COX6C: variants seen among roughly 807,000 people sequenced by gnomAD.
COX6C encodes cytochrome c oxidase polypeptide VIc.
COX6C carries 3 observed loss-of-function variants against 6.9 expected under a neutral mutation model. The observed-to-expected ratio is 0.43, with a 90% CI of 0.20 to 1.12. COX6C has a LOEUF of 1.12. COX6C is among the 50% of genes most tolerant of loss of function. The probability of loss-of-function intolerance (pLI) is 0.27; values close to 1 mark genes in which losing one functional copy is unlikely to be tolerated. For synonymous variants in COX6C, 32 were observed against 32.0 expected (o/e 1.00, Z 0.00); for missense variants, 101 against 97.3 (o/e 1.04, Z -0.16).
intron 2 of COX6C, among the ~76,000 whole-genome samples, chr8:99,888,506 G>A (rs533524973): frequency 2.6e-5 from 4 of 152,272 alleles, no homozygotes; most frequent in Admixed American, 1.3e-4. Flanking sequence ...GGGAGGCCTC[G>A]GAGGGTGCAG....
At position 99,878,248 on chromosome 8, in the gene COX6C, A is replaced by G. The variant is rs570108821; in HGVS notation, c.*33T>C. On this transcript the variant is annotated 3_prime_UTR_variant, in exon 4 of 4. Transcript: ENST00000520468. ...CAAGTCAGTGACAAACTTCTAGGTA[A>G]TTCAACCTGAAGAAATTCTGTGAAG... The G allele has an allele frequency of 1.8e-4, 27 of 152,352 alleles. No homozygotes were observed. Among genetic ancestry groups the G allele is most frequent in the African/African-American group, 5.5e-4 (23 of 41,578 alleles). 9.4% of individuals were successfully genotyped at this position (152,352 alleles called of 1,614,324 possible). A position where few individuals can be genotyped will look rare whatever the true frequency, so the allele number is the denominator to read the frequency against.
chr8:99,880,303 G>A (rs1240246669), intron 3 of COX6C, among the ~76,000 whole-genome samples: 1 of 152,194 alleles, frequency 6.6e-6, no homozygotes, highest in Non-Finnish European at 1.5e-5. Flanking sequence ...AGAGGCTGCT[G>A]ACTTACTCTA....
rs779728073 is a variant in COX6C, at chr8:99,887,483, A to G, written c.*15+7T>C. 3 of 1,513,306 alleles carry G rather than the reference A, an allele frequency of 2.0e-6. No individual in the cohort carries two copies. Among genetic ancestry groups the G allele is most frequent in the African/African-American group, 2.9e-5 (2 of 69,794 alleles). The allele number at this position is 1,513,306 out of a possible 1,614,324, so 93.7% of individuals were successfully genotyped here. The stretch of plus-strand genomic sequence containing the variant: ...TTTTTTTAAGTAACTTCAAATAACC[A>G]TATTACCTTTATATTCCAAGATTAC... On this transcript the variant is annotated splice_region_variant and intron_variant, in intron 3 of 3. Transcript: ENST00000520468.
At chr8:99,891,833 G>A (rs78095945) in intron 2 of COX6C, 75 bp downstream of exon 2, 44,128 of 1,238,670 alleles carry the variant, frequency 0.036, 988 homozygotes, top group Non-Finnish European at 0.043. Flanking sequence ...TTACAAGGGG[G>A]AGTTTCTTTA....
intron 3 of COX6C, among the ~76,000 whole-genome samples, chr8:99,884,428 A>T (rs28488332): frequency 0.018 from 2,725 of 152,332 alleles, 49 homozygotes; most frequent in African/African-American, 0.045. Flanking sequence ...GGAATATGAA[A>T]GACTTAAACA....
At chr8:99,893,245 C>T (rs1282287948) in intron 1 of COX6C, 1 of 152,330 alleles carries the variant, frequency 6.6e-6, no homozygotes, top group Non-Finnish European at 1.5e-5. Flanking sequence ...CGCCTCACGA[C>T]CAGCTGCATT....
At chr8:99,889,145 T>C (rs1250359497) in intron 2 of COX6C, among the ~76,000 whole-genome samples, 1 of 152,192 alleles carries the variant, frequency 6.6e-6, no homozygotes, top group Non-Finnish European at 1.5e-5. Context: ...TACAAACATT[T>C]ACTTCATGCC....
intron 3 of COX6C, among the ~76,000 whole-genome samples, chr8:99,880,799 G>A (rs995713181): frequency 1.4e-4 from 21 of 151,430 alleles, no homozygotes; most frequent in East Asian, 9.7e-4. Context: ...AGGTATTACC[G>A]AGTCCCAGAA....
chr8:99,888,663 A>C (rs540705698), intron 2 of COX6C, among the ~76,000 whole-genome samples: 134 of 152,024 alleles, frequency 8.8e-4, no homozygotes, highest in Non-Finnish European at 1.6e-3. Flanking sequence ...TACCTCACTT[A>C]GTCATCCATC....
At chr8:99,891,649 C>T (rs1818034673) in intron 2 of COX6C, among the ~76,000 whole-genome samples, 2 of 152,208 alleles carry the variant, frequency 1.3e-5, no homozygotes, top group South Asian at 4.1e-4. Context: ...CAGAAGATAT[C>T]AACCCTGCCA....
At chr8:99,893,224 A>C (rs968564248) in intron 1 of COX6C, 2 of 152,312 alleles carry the variant, frequency 1.3e-5, no homozygotes, top group African/African-American at 4.8e-5. Context: ...CTTCGCCTAC[A>C]CTAACCCTTG....
At position 99,886,507 on chromosome 8, in the gene COX6C, T is replaced by G. The variant is rs528627023; in HGVS notation, c.*15+983A>C. 3 of 152,312 alleles carry G rather than the reference T, an allele frequency of 2.0e-5. No homozygotes were observed. In the East Asian group the frequency reaches 5.8e-4, roughly 29 times the overall value. The allele number at this position is 152,312 out of a possible 1,614,324, so 9.4% of individuals were successfully genotyped here. A position where few individuals can be genotyped will look rare whatever the true frequency, so the allele number is the denominator to read the frequency against. On this transcript the variant is annotated intron_variant, in intron 3 of 3. Transcript: ENST00000520468. ...AAATCATATGATCCAGGAATTCCACTTTTGAATATACCCCAAAAGAATTGA... is the reference window on the plus strand; with the variant it reads ...AAATCATATGATCCAGGAATTCCACGTTTGAATATACCCCAAAAGAATTGA...
intron 2 of COX6C, among the ~76,000 whole-genome samples, chr8:99,891,195 T>C (rs955074781): frequency 6.6e-6 from 1 of 152,264 alleles, no homozygotes; most frequent in Admixed American, 6.5e-5. Context: ...AAGGGCTTTA[T>C]AACTAAGTTA....
rs528881148 is a variant in COX6C, at chr8:99,883,471, A to ATATATT, written c.*15+4018_*15+4019insAATATA. On this transcript the variant is annotated intron_variant, in intron 3 of 3. Transcript: ENST00000520468. ...TGTGTGTGTATATATATATATATAT[A>ATATATT]TTTTTTTTTTGGTAGAGATGGGGTC... 7.3e-3 allele frequency among the ~76,000 whole-genome samples: 1,010 copies of ATATATT among 137,664 alleles called. 3 individuals carry two copies. The highest frequency in any genetic ancestry group is 0.01 in the Non-Finnish European group (670 of 65,590). 90.3% of individuals were successfully genotyped at this position (137,664 alleles called of 152,430 possible). A position where few individuals can be genotyped will look rare whatever the true frequency, so the allele number is the denominator to read the frequency against.
intron 3 of COX6C, among the ~76,000 whole-genome samples, chr8:99,881,512 G>A (rs557800923): frequency 1.3e-5 from 2 of 152,298 alleles, no homozygotes; most frequent in South Asian, 4.1e-4. Flanking sequence ...CACAGGAAAA[G>A]AGGGTGGTGC....
rs958994818 is a variant in COX6C, at chr8:99,878,004, A to C, written c.*277T>G. On this transcript the variant is annotated 3_prime_UTR_variant, in exon 4 of 4. Coordinates refer to ENST00000520468, the MANE Select transcript of COX6C (RefSeq NM_004374.4). ...TGCAATGAAACGGACAAACTATCAC[A>C]GTTAAAGATGTGCTAGAACAATGAA... 1 of 152,248 alleles carries C rather than the reference A, an allele frequency of 6.6e-6. No individual in the cohort carries two copies. 9.4% of individuals were successfully genotyped at this position (152,248 alleles called of 1,614,324 possible).
intron 3 of COX6C, among the ~76,000 whole-genome samples, chr8:99,883,994 T>C (rs1330343034): frequency 6.6e-6 from 1 of 152,190 alleles, no homozygotes; most frequent in Non-Finnish European, 1.5e-5. Context: ...AGAAGGAATG[T>C]ACTTCAACCC....
At chr8:99,882,667 G>C (rs1256029156) in intron 3 of COX6C, among the ~76,000 whole-genome samples, 1 of 152,134 alleles carries the variant, frequency 6.6e-6, no homozygotes, top group African/African-American at 2.4e-5. Flanking sequence ...AATAAAAAAA[G>C]AGAACCACCA....
At chr8:99,885,822 A>G (rs984607512) in intron 3 of COX6C, among the ~76,000 whole-genome samples, 6 of 152,264 alleles carry the variant, frequency 3.9e-5, no homozygotes, top group African/African-American at 1.4e-4. Context: ...GGGACACAAC[A>G]GAGTGAAAAG....
Sources: allele counts gnomAD v4.1 joint callset (sites outside exome capture counted in the v4.1 genomes callset), GRCh38; gene constraint gnomAD v4.1.1; transcripts MANE v1.5; gene names NCBI Gene and HGNC (gene_info 2026-07-23, HGNC 2026-07-21).